The following OIT3 variants were observed in gnomAD, a reference collection of about 807,000 sequenced individuals.
OIT3 encodes the protein oncoprotein-induced transcript 3 protein.
Under a neutral mutation model 52.2 loss-of-function variants are expected in OIT3, and 41 were observed. The ratio of observed to expected loss-of-function variants is 0.79; its 90% CI spans 0.61 to 1.02. OIT3 has a LOEUF of 1.02. Ranked by LOEUF, OIT3 falls within the 50% of genes least tolerant of loss-of-function variation. OIT3 has a pLI of 0.00. For missense variants in OIT3, 634 were observed against 715.5 expected, an observed-to-expected ratio of 0.89 and a Z score of 1.30; for synonymous variants, 244 against 276.9, an observed-to-expected ratio of 0.88 and a Z score of 1.18.
chr10:72,913,362 T>C lies in OIT3; in HGVS notation c.845T>C (p.Val282Ala), dbSNP rs1432458955. 1 of 1,613,718 alleles carries C rather than the reference T, an allele frequency of 6.2e-7. No individual in the cohort carries two copies. The highest frequency in any genetic ancestry group is 8.5e-7 in the Non-Finnish European group (1 of 1,179,690). Residue 282 changes from valine to alanine, a missense_variant, in exon 6 of 9, where the codon GTT becomes GCT. Physicochemically the swap from Val to Ala is moderately conservative, Grantham distance 64. Coordinates refer to ENST00000334011, the MANE Select transcript of OIT3 (RefSeq NM_152635.3). ...AIEVNIPRELVGGLELFLTNT... is the reference protein window; with the variant it reads ...AIEVNIPRELAGGLELFLTNT... ...GAAGTGAACATCCCCAGGGAGCTGG[T>C]TGGTGGCCTGGAGCTCTTCCTGACC...
intron 6 of OIT3, 34 bp downstream of exon 6, chr10:72,913,502 C>T (rs1410790084): frequency 1.3e-6 from 2 of 1,566,784 alleles, no homozygotes; most frequent in Non-Finnish European, 1.7e-6. Flanking sequence ...TGGGGAATGA[C>T]CAAAAGCCGG....
intron 4 of OIT3, among the ~76,000 whole-genome samples, chr10:72,907,925 C>A (rs939694458): frequency 3.9e-5 from 6 of 151,902 alleles, no homozygotes; most frequent in African/African-American, 7.3e-5. Flanking sequence ...GCACATTTAC[C>A]CTTGCAAATT....
chr10:72,932,722 G>A lies in OIT3; in HGVS notation c.*198G>A. 1 of 493,576 alleles carries A rather than the reference G, an allele frequency of 2.0e-6. No homozygotes were observed. Among genetic ancestry groups the A allele is most frequent in the South Asian group, 4.0e-5 (1 of 24,834 alleles). The allele number at this position is 493,576 out of a possible 1,614,324, so 30.6% of individuals were successfully genotyped here. ...AGCACTGCTGAACAATGTGGCCTGG[G>A]TGGGGTTTCATCTTTCTAGGGTTGA... On this transcript the variant is annotated 3_prime_UTR_variant, in exon 9 of 9. Transcript: ENST00000334011.
chr10:72,911,918 C>A (rs1013852897), intron 5 of OIT3, 79 bp downstream of exon 5: 6 of 1,342,590 alleles, frequency 4.5e-6, no homozygotes, highest in African/African-American at 1.5e-5. Context: ...CTTCCTCCCC[C>A]AAGTGTGTCA....
At chr10:72,929,490 C>T (rs1846196647) in intron 7 of OIT3, among the ~76,000 whole-genome samples, 1 of 152,060 alleles carries the variant, frequency 6.6e-6, no homozygotes, top group Admixed American at 6.5e-5. Flanking sequence ...TCACTGCAGC[C>T]TCTGCCTCCC....
chr10:72,932,383 C>G lies in OIT3; in HGVS notation c.1497C>G (p.Val499=), dbSNP rs1846224016. 6.2e-7 allele frequency: 1 copy of G among 1,614,238 alleles called. No individual in the cohort carries two copies. The highest frequency in any genetic ancestry group is 2.2e-5 in the East Asian group (1 of 44,886). Residue 499 remains valine, a synonymous_variant, in exon 9 of 9, where the codon GTC becomes GTG. Coordinates refer to ENST00000334011, the MANE Select transcript of OIT3 (RefSeq NM_152635.3). ...KEVFLHCRVL[V]CGVLDERSRC... ...TGTTTCTGCACTGCCGGGTTCTTGT[C>G]TGTGGAGTGTTGGACGAGCGTTCCC...
intron 6 of OIT3, chr10:72,913,703 G>T (rs1032770791): frequency 1.6e-6 from 1 of 626,720 alleles, no homozygotes; most frequent in Non-Finnish European, 3.0e-6. Flanking sequence ...CATCTCTCCA[G>T]CATGCACAGA....
In OIT3 at chr10:72,920,211, T is replaced by C. The variant is rs558384859; in HGVS notation, c.952-4018T>C. On this transcript the variant is annotated intron_variant, in intron 6 of 8. Coordinates refer to ENST00000334011, the MANE Select transcript of OIT3 (RefSeq NM_152635.3). Reference sequence around the variant, plus strand: ...CATTTCTTCTAGATTTTCTAGCTTATATGCATAGAGGTGTTTATAATATTC... The same window carrying C: ...CATTTCTTCTAGATTTTCTAGCTTACATGCATAGAGGTGTTTATAATATTC... 1.2e-4 allele frequency among the ~76,000 whole-genome samples: 19 copies of C among 152,354 alleles called. No homozygotes were observed. The East Asian group carries it at 3.7e-3, about 29-fold the overall frequency.
intron 6 of OIT3, among the ~76,000 whole-genome samples, chr10:72,914,518 A>C (rs1440631375): frequency 2.6e-5 from 4 of 152,222 alleles, no homozygotes; most frequent in Non-Finnish European, 5.9e-5. Context: ...AGGCGGTCCC[A>C]CTTGAGGCAA....
chr10:72,928,987 G>A (rs1440190115), intron 7 of OIT3, among the ~76,000 whole-genome samples: 1 of 152,000 alleles, frequency 6.6e-6, no homozygotes, highest in Non-Finnish European at 1.5e-5. Flanking sequence ...CGGAAGGATC[G>A]CTTGAGTGGT....
At chr10:72,919,361 G>C (rs1423579676) in intron 6 of OIT3, among the ~76,000 whole-genome samples, 3 of 152,136 alleles carry the variant, frequency 2.0e-5, no homozygotes, top group African/African-American at 7.2e-5. Flanking sequence ...GAGATGATAG[G>C]GTTTTCTAGA....
intron 6 of OIT3, among the ~76,000 whole-genome samples, chr10:72,920,214 G>T (rs1846110010): frequency 6.6e-6 from 1 of 152,162 alleles, no homozygotes; most frequent in African/African-American, 2.4e-5. Context: ...TAGCTTATAT[G>T]CATAGAGGTG....
Position 72,926,685 on chromosome 10 carries a change from C to T in OIT3, c.1367+2041C>T, listed in dbSNP as rs536060031. Among the ~76,000 whole-genome samples, 12 of 152,218 alleles carry T rather than the reference C, an allele frequency of 7.9e-5. No individual in the cohort carries two copies. In the South Asian group the frequency reaches 2.3e-3, roughly 29 times the overall value. ...TCATCCTGAGCTACTCTGGACGGCC[C>T]GTAGCAAAGGGCATCTGCAGATATG... On this transcript the variant is annotated intron_variant, in intron 7 of 8. Transcript: ENST00000334011.
At chr10:72,924,194 A>G (rs1340749916) in intron 6 of OIT3, 35 bp from the exon 7 acceptor site, 1 of 1,530,768 alleles carries the variant, frequency 6.5e-7, no homozygotes, top group Admixed American at 2.0e-5. Flanking sequence ...ACAAACAGAC[A>G]ATCTCTTTCC....
At chr10:72,923,539 G>A (rs112719446) in intron 6 of OIT3, among the ~76,000 whole-genome samples, 4 of 151,878 alleles carry the variant, frequency 2.6e-5, no homozygotes, top group African/African-American at 7.2e-5. Flanking sequence ...TCCTCAGGTT[G>A]AGCTCTCCAA....
At position 72,932,564 on chromosome 10, in the gene OIT3, G is replaced by T; in HGVS notation, c.*40G>T. Reference sequence around the variant, plus strand: ...TCGAGTCCCTGCATTGGACGGCTCTGCTCTTTGGAGCTTCTCCCCCCACCG... The same window carrying T: ...TCGAGTCCCTGCATTGGACGGCTCTTCTCTTTGGAGCTTCTCCCCCCACCG... On this transcript the variant is annotated 3_prime_UTR_variant, in exon 9 of 9. Transcript: ENST00000334011. The T allele has an allele frequency of 6.6e-7, 1 of 1,518,808 alleles. No homozygotes were observed. The highest frequency in any genetic ancestry group is 2.1e-5 in the Admixed American group (1 of 47,820). 94.1% of individuals were successfully genotyped at this position (1,518,808 alleles called of 1,614,324 possible).
chr10:72,898,913 C>G lies in OIT3; in HGVS notation c.311C>G (p.Ala104Gly). The G allele has an allele frequency of 6.2e-7, 1 of 1,614,214 alleles. No homozygotes were observed. Among genetic ancestry groups the G allele is most frequent in the Non-Finnish European group, 8.5e-7 (1 of 1,180,028 alleles). ...LEGDGIVQRQACASFNGNCCL... is the reference protein window; with the variant it reads ...LEGDGIVQRQGCASFNGNCCL... Reference sequence around the variant, plus strand: ...GGCGACGGCATTGTGCAACGCCAGGCTTGTGCCAGCTTCAATGGGAACTGC... The same window carrying G: ...GGCGACGGCATTGTGCAACGCCAGGGTTGTGCCAGCTTCAATGGGAACTGC... The change falls in exon 2 of 9, where the codon GCT (alanine) becomes GGT (glycine). Residue 104 changes from alanine to glycine, a missense_variant. Coordinates refer to ENST00000334011, the MANE Select transcript of OIT3 (RefSeq NM_152635.3).
At chr10:72,921,009 G>T (rs1431721414) in intron 6 of OIT3, among the ~76,000 whole-genome samples, 1 of 152,086 alleles carries the variant, frequency 6.6e-6, no homozygotes, top group Non-Finnish European at 1.5e-5. Flanking sequence ...ATCTAATATT[G>T]TCAGTGGGGT....
chr10:72,899,155 T>A, intron 2 of OIT3, 117 bp downstream of exon 2: 1 of 867,634 alleles, frequency 1.2e-6, no homozygotes, highest in Non-Finnish European at 1.8e-6. Flanking sequence ...TGAACAACAT[T>A]GATGTGGGGC....
Sources: allele counts gnomAD v4.1 joint callset (sites outside exome capture counted in the v4.1 genomes callset), GRCh38; gene constraint gnomAD v4.1.1; transcripts MANE v1.5; gene names NCBI Gene and HGNC (gene_info 2026-07-23, HGNC 2026-07-21).